Variants in FRA10AC1 observed in about 807,000 individuals in gnomAD.
FRA10AC1 encodes protein FRA10AC1.
A neutral mutation model predicts 56.5 loss-of-function variants in FRA10AC1; 43 were observed. The observed-to-expected ratio is 0.76, with a 90% CI of 0.60 to 0.98. The LOEUF (loss-of-function observed/expected upper bound fraction) is 0.98. Ranked by LOEUF, FRA10AC1 falls within the 50% of genes least tolerant of loss-of-function variation. The pLI is 0.00. For missense variants in FRA10AC1, 346 were observed against 351.8 expected, an observed-to-expected ratio of 0.98 and a Z score of 0.13; for synonymous variants, 112 against 110.5, an observed-to-expected ratio of 1.01 and a Z score of -0.09.
rs1273110067 is a variant in FRA10AC1, at chr10:93,693,512, CAT to C, written c.297-785_297-784del. 8.6e-4 allele frequency among the ~76,000 whole-genome samples: 14 copies of C among 16,320 alleles called. 1 individual carries two copies. Among genetic ancestry groups the C allele is most frequent in the African/African-American group, 1.6e-3 (11 of 6,724 alleles). The allele number at this position is 16,320 out of a possible 152,430, so 10.7% of individuals were successfully genotyped here. Reference sequence around the variant, plus strand: ...TATATATATATATATATATATACACCATATATATATATATACACCATATATAT... The same window carrying C: ...TATATATATATATATATATATACACCATATATATATATACACCATATATAT... On this transcript the variant is annotated intron_variant, in intron 5 of 13. Coordinates refer to ENST00000359204, the MANE Select transcript of FRA10AC1 (RefSeq NM_145246.5).
intron 4 of FRA10AC1, among the ~76,000 whole-genome samples, chr10:93,696,956 G>A (rs562868848): frequency 1.3e-5 from 2 of 152,144 alleles, no homozygotes; most frequent in African/African-American, 2.4e-5. Context: ...GCCGGTGGGC[G>A]GGGAAGGGTG....
chr10:93,695,010 G>T, intron 4 of FRA10AC1, 73 bp from the exon 5 acceptor site: 1 of 766,670 alleles, frequency 1.3e-6, no homozygotes, highest in African/African-American at 1.8e-5. Flanking sequence ...CTGATTGGTG[G>T]TAAAAAAAAG....
intron 12 of FRA10AC1, chr10:93,672,225 A>G (rs1237078400): frequency 3.6e-6 from 1 of 275,150 alleles, no homozygotes; most frequent in Non-Finnish European, 7.0e-6. Context: ...CCCTGAATCA[A>G]CATGTGTGTC....
At chr10:93,689,357 C>T (rs940696842) in intron 7 of FRA10AC1, among the ~76,000 whole-genome samples, 4 of 151,932 alleles carry the variant, frequency 2.6e-5, no homozygotes, top group African/African-American at 9.7e-5. Flanking sequence ...TTTCAAAATA[C>T]TCTGATTAAA....
At chr10:93,676,271 T>C (rs2058838410) in intron 12 of FRA10AC1, among the ~76,000 whole-genome samples, 1 of 152,144 alleles carries the variant, frequency 6.6e-6, no homozygotes, top group African/African-American at 2.4e-5. Context: ...ATAATAAAAT[T>C]TGCAGCAAAT....
intron 11 of FRA10AC1, among the ~76,000 whole-genome samples, chr10:93,678,476 G>C (rs1313685848): frequency 6.6e-6 from 1 of 152,096 alleles, no homozygotes; most frequent in Admixed American, 6.6e-5. Context: ...GAGAAATCTA[G>C]GTAAGAGCCC....
intron 12 of FRA10AC1, chr10:93,672,088 G>A (rs2058772563): frequency 2.2e-6 from 1 of 449,114 alleles, no homozygotes; most frequent in Non-Finnish European, 4.4e-6. Flanking sequence ...ATGATTATTA[G>A]TCTAAAAAAG....
At position 93,681,523 on chromosome 10, in the gene FRA10AC1, G is replaced by T; in HGVS notation, c.744C>A (p.Ser248=). The part of the protein sequence containing the change: ...KDCEESSHKK[S]RLSSAEEASK... Reference sequence around the variant, plus strand: ...AGGCCTCTTCTGCAGAAGATAATCTGGATTTTTTATGTGATGACTCTTCAC... The same window carrying T: ...AGGCCTCTTCTGCAGAAGATAATCTTGATTTTTTATGTGATGACTCTTCAC... The change falls in exon 11 of 14, where the codon TCC becomes TCA. Residue 248 remains serine, a synonymous_variant. Transcript: ENST00000359204. 1 of 1,574,648 alleles carries T rather than the reference G, an allele frequency of 6.4e-7. No individual in the cohort carries two copies. The highest frequency in any genetic ancestry group is 8.6e-7 in the Non-Finnish European group (1 of 1,165,884).
chr10:93,680,951 T>C (rs1488860131), intron 11 of FRA10AC1, among the ~76,000 whole-genome samples: 1 of 152,206 alleles, frequency 6.6e-6, no homozygotes, highest in Non-Finnish European at 1.5e-5. Context: ...AACACAGATA[T>C]ATGACAATCT....
intron 12 of FRA10AC1, chr10:93,674,511 G>C (rs917203411): frequency 1.3e-5 from 2 of 152,110 alleles, no homozygotes; most frequent in Non-Finnish European, 2.9e-5. Context: ...ATAGCGTACC[G>C]GCTGCCAAAC....
At position 93,702,522 on chromosome 10, in the gene FRA10AC1, A is replaced by ACCACCGCCGCCG. The variant is rs60832838; in HGVS notation, c.-149_-148insCGGCGGCGGTGG. The ACCACCGCCGCCG allele has an allele frequency of 0.012, 2,594 of 215,896 alleles. 208 individuals carry two copies. The highest frequency in any genetic ancestry group is 0.022 in the African/African-American group (883 of 41,012). The allele number at this position is 215,896 out of a possible 1,614,324, so 13.4% of individuals were successfully genotyped here. A position where few individuals can be genotyped will look rare whatever the true frequency, so the allele number is the denominator to read the frequency against. ...GCCGCACAGCCTCGCCACAACCACC[A>ACCACCGCCGCCG]CCGCCGCCGCCGCCGCCGCCGCCGC... On this transcript the variant is annotated 5_prime_UTR_variant, in exon 1 of 14. Transcript: ENST00000359204.
At position 93,681,560 on chromosome 10, in the gene FRA10AC1, G is replaced by T. The variant is rs774931601; in HGVS notation, c.707C>A (p.Thr236Asn). 4.5e-6 allele frequency: 7 copies of T among 1,557,180 alleles called. No individual in the cohort carries two copies. Among genetic ancestry groups the T allele is most frequent in the African/African-American group, 1.4e-5 (1 of 71,064 alleles). Residue 236 changes from threonine to asparagine, a missense_variant, in exon 11 of 14, where the codon ACC becomes AAC. Physicochemically the swap from Thr to Asn is moderately conservative, Grantham distance 65 (BLOSUM62 0). Transcript: ENST00000359204. The part of the protein sequence containing the change: ...EIKSKKRKDK[T>N]KKDCEESSHK... Reference sequence around the variant, plus strand: ...TGATGACTCTTCACAGTCTTTTTTGGTTTTATCTTTTCTTTTTTTTGACTT... The same window carrying T: ...TGATGACTCTTCACAGTCTTTTTTGTTTTTATCTTTTCTTTTTTTTGACTT...
In FRA10AC1 at chr10:93,692,002, A is replaced by G; in HGVS notation, c.465+7T>C. Reference sequence around the variant, plus strand: ...AACCTCTTTCCATAAATATGTGGAAAGCATACCTTATTTTCTTTATATTTA... The same window carrying G: ...AACCTCTTTCCATAAATATGTGGAAGGCATACCTTATTTTCTTTATATTTA... On this transcript the variant is annotated splice_region_variant and intron_variant, in intron 7 of 13. Coordinates refer to ENST00000359204, the MANE Select transcript of FRA10AC1 (RefSeq NM_145246.5). The G allele has an allele frequency of 6.4e-7, 1 of 1,566,996 alleles. No individual in the cohort carries two copies. The highest frequency in any genetic ancestry group is 8.6e-7 in the Non-Finnish European group (1 of 1,158,780).
chr10:93,692,493 C>T (rs2059141101), intron 6 of FRA10AC1, 153 bp downstream of exon 6: 1 of 557,340 alleles, frequency 1.8e-6, no homozygotes, highest in African/African-American at 2.0e-5. Context: ...CCAAAAATTA[C>T]CAAAAGAACC....
upstream of FRA10AC1, among the ~76,000 whole-genome samples, chr10:93,702,872 C>G (rs1480137764): frequency 6.6e-6 from 1 of 152,064 alleles, no homozygotes; most frequent in Non-Finnish European, 1.5e-5. Flanking sequence ...CCGTGCCTAT[C>G]ACCTGCCGTC....
At chr10:93,686,020 C>T (rs1199183728) in intron 8 of FRA10AC1, among the ~76,000 whole-genome samples, 4 of 151,666 alleles carry the variant, frequency 2.6e-5, no homozygotes, top group African/African-American at 9.7e-5. Context: ...CAAAAAAAGA[C>T]TAACTGATAA....
Position 93,681,494 on chromosome 10 carries a change from T to C in FRA10AC1, c.773A>G (p.Lys258Arg). 6.4e-7 allele frequency: 1 copy of C among 1,570,738 alleles called. No homozygotes were observed. Among genetic ancestry groups the C allele is most frequent in the South Asian group, 1.2e-5 (1 of 83,638 alleles). ...SRLSSAEEAS[K>R]KKDKGHSSSK... is the part of the protein sequence containing the mutation. ...TTTCCTTTTACCTTTATCTTTTTTC[T>C]TGGAGGCCTCTTCTGCAGAAGATAA... Residue 258 changes from lysine (K) to arginine (R), a missense_variant, in exon 11 of 14, where the codon AAG (lysine) becomes AGG (arginine). Lys to Arg is a conservative substitution (Grantham distance 26, BLOSUM62 2). Coordinates refer to ENST00000359204, the MANE Select transcript of FRA10AC1 (RefSeq NM_145246.5).
At chr10:93,676,046 G>C (rs991018984) in intron 12 of FRA10AC1, among the ~76,000 whole-genome samples, 3 of 152,122 alleles carry the variant, frequency 2.0e-5, no homozygotes, top group Non-Finnish European at 2.9e-5. Context: ...TCTTAGGTTT[G>C]GTTGTTAGGA....
chr10:93,695,028 T>C (rs2059208701), intron 4 of FRA10AC1, 91 bp from the exon 5 acceptor site: 3 of 712,550 alleles, frequency 4.2e-6, no homozygotes, highest in South Asian at 1.6e-5. Flanking sequence ...AAGCACAATA[T>C]GAGTCTATTT....
Sources: allele counts gnomAD v4.1 joint callset (sites outside exome capture counted in the v4.1 genomes callset), GRCh38; gene constraint gnomAD v4.1.1; transcripts MANE v1.5; gene names NCBI Gene and HGNC (gene_info 2026-07-23, HGNC 2026-07-21).